ERBB4: variants seen among roughly 807,000 people sequenced by gnomAD.
ERBB4 encodes receptor tyrosine-protein kinase erbB-4.
A neutral mutation model predicts 158.0 loss-of-function variants in ERBB4; 42 were observed. The observed-to-expected ratio is 0.27, with a 90% CI of 0.21 to 0.34. The LOEUF (loss-of-function observed/expected upper bound fraction) is 0.34. Among genes scored for constraint, ERBB4 ranks in the 10% least tolerant of loss-of-function variants. The probability of loss-of-function intolerance (pLI) is 1.00; values close to 1 mark genes in which losing one functional copy is unlikely to be tolerated. For synonymous variants in ERBB4, 583 were observed against 558.7 expected (o/e 1.04, Z -0.61); for missense variants, 1,333 against 1,624.1 (o/e 0.82, Z 3.08).
intron 1 of ERBB4, among the ~76,000 whole-genome samples, chr2:212,174,274 A>G (rs781409448): frequency 6.6e-6 from 1 of 152,120 alleles, no homozygotes; most frequent in Non-Finnish European, 1.5e-5. Flanking sequence ...TCAGTTAATT[A>G]TGGCAGATGT....
chr2:211,447,920 TG>T (rs1419872439), intron 20 of ERBB4, among the ~76,000 whole-genome samples: 2 of 152,138 alleles, frequency 1.3e-5, no homozygotes, highest in East Asian at 3.8e-4. Context: ...GAAACATGGC[TG>T]GGGTTTGGTG....
rs535792113 is a variant in ERBB4 at position 212,214,999 on chromosome 2, AC to A, written c.83-90097del. ...TGAAGCCAGAAACAAAAAAATGCAT[AC>A]TTTATGAATCCCTGTATATAAAGTC... On this transcript the variant is annotated intron_variant, in intron 1 of 27. Transcript: ENST00000342788. 1.4e-3 allele frequency among the ~76,000 whole-genome samples: 215 copies of A among 151,736 alleles called. 1 individual carries two copies. Among genetic ancestry groups the A allele is most frequent in the African/African-American group, 4.8e-3 (200 of 41,502 alleles).
rs544903491 is a variant in ERBB4 at position 211,628,632 on chromosome 2, A to G, written c.2079+1830T>C. Reference sequence around the variant, plus strand: ...GTGAATAGTGCCGCAATAAACATACATGTGCATGTGTCTTTATAGCAGCAT... The same window carrying G: ...GTGAATAGTGCCGCAATAAACATACGTGTGCATGTGTCTTTATAGCAGCAT... On this transcript the variant is annotated intron_variant, in intron 17 of 27. Transcript: ENST00000342788. 1.6e-4 allele frequency among the ~76,000 whole-genome samples: 25 copies of G among 152,254 alleles called. No individual in the cohort carries two copies. The South Asian group carries it at 4.1e-3, about 25-fold the overall frequency.
intron 20 of ERBB4, among the ~76,000 whole-genome samples, chr2:211,438,631 G>C (rs1467356409): frequency 6.6e-6 from 1 of 152,042 alleles, no homozygotes; most frequent in East Asian, 1.9e-4. Flanking sequence ...AATATAATTT[G>C]ACCACTTTAA....
At chr2:211,634,633 T>C (rs530369631) in intron 16 of ERBB4, among the ~76,000 whole-genome samples, 9 of 152,280 alleles carry the variant, frequency 5.9e-5, no homozygotes, top group African/African-American at 1.9e-4. Context: ...ATGATGATAA[T>C]GGCTATTACC....
chr2:212,159,362 T>C (rs2125644682), intron 1 of ERBB4, among the ~76,000 whole-genome samples: 1 of 151,988 alleles, frequency 6.6e-6, no homozygotes, highest in East Asian at 1.9e-4. Context: ...TCCTTATTAT[T>C]GATGCCTACA....
intron 17 of ERBB4, among the ~76,000 whole-genome samples, chr2:211,628,772 T>A (rs566276053): frequency 6.6e-6 from 1 of 152,314 alleles, no homozygotes; most frequent in African/African-American, 2.4e-5. Context: ...TTGAACTAGT[T>A]TACAGTCCCA....
Position 211,410,252 on chromosome 2 carries a change from G to T in ERBB4, c.3135+10189C>A, listed in dbSNP as rs766442684. Reference sequence around the variant, plus strand: ...TTAAATGTATATATATACACACATTGCCAATCTCTCCTCTTTTCCCGAATT... The same window carrying T: ...TTAAATGTATATATATACACACATTTCCAATCTCTCCTCTTTTCCCGAATT... On this transcript the variant is annotated intron_variant, in intron 25 of 27. Transcript: ENST00000342788. 8.0e-4 allele frequency among the ~76,000 whole-genome samples: 121 copies of T among 152,154 alleles called. 1 individual carries two copies. The highest frequency in any genetic ancestry group is 5.3e-4 in the Non-Finnish European group (36 of 68,032).
intron 4 of ERBB4, among the ~76,000 whole-genome samples, chr2:211,772,818 T>C (rs1402081322): frequency 4.3e-5 from 1 of 23,498 alleles, no homozygotes; most frequent in African/African-American, 2.9e-4. Flanking sequence ...GATATATATA[T>C]ATATATATAT....
At chr2:211,513,730 A>G (rs1337004710) in intron 20 of ERBB4, among the ~76,000 whole-genome samples, 1 of 152,094 alleles carries the variant, frequency 6.6e-6, no homozygotes, top group Non-Finnish European at 1.5e-5. Context: ...ACCCCTGTCT[A>G]CGCTTTGTTA....
At chr2:212,444,140 A>C (rs1232600299) in intron 1 of ERBB4, among the ~76,000 whole-genome samples, 1 of 152,132 alleles carries the variant, frequency 6.6e-6, no homozygotes, top group Admixed American at 6.5e-5. Context: ...CAATGGCTTC[A>C]TGGTGAGTTC....
At chr2:212,205,146 C>CAGACAGACAGAT (rs1233416430) in intron 1 of ERBB4, among the ~76,000 whole-genome samples, 1 of 151,952 alleles carries the variant, frequency 6.6e-6, no homozygotes, top group African/African-American at 2.4e-5. Context: ...GACAGACAGA[C>CAGACAGACAGAT]AGACAGACAG....
chr2:212,240,558 G>A (rs890811815), intron 1 of ERBB4, among the ~76,000 whole-genome samples: 4 of 147,054 alleles, frequency 2.7e-5, no homozygotes, highest in East Asian at 2.0e-4. Flanking sequence ...GTTTGAACCC[G>A]GGAGGCGGAG....
At chr2:211,673,928 T>C (rs1000259279) in intron 13 of ERBB4, among the ~76,000 whole-genome samples, 1 of 152,114 alleles carries the variant, frequency 6.6e-6, no homozygotes, top group African/African-American at 2.4e-5. Flanking sequence ...AAAGACACAG[T>C]TTAATGGTAA....
chr2:211,706,637 A>G (rs1186726976), intron 9 of ERBB4, among the ~76,000 whole-genome samples: 2 of 152,060 alleles, frequency 1.3e-5, no homozygotes, highest in African/African-American at 4.8e-5. Context: ...TTGCTTGATT[A>G]AATTAGTGTT....
At chr2:212,057,551 G>A (rs893390870) in intron 2 of ERBB4, among the ~76,000 whole-genome samples, 1 of 152,154 alleles carries the variant, frequency 6.6e-6, no homozygotes, top group Non-Finnish European at 1.5e-5. Context: ...CTCAGCAAAT[G>A]TAAAAGAACA....
At chr2:211,850,866 A>G (rs1575245373) in intron 3 of ERBB4, among the ~76,000 whole-genome samples, 2 of 151,962 alleles carry the variant, frequency 1.3e-5, no homozygotes, top group African/African-American at 4.8e-5. Context: ...AAACTAAGTA[A>G]TAATATCAAT....
chr2:211,406,918 A>C (rs556152044), intron 25 of ERBB4, among the ~76,000 whole-genome samples: 1 of 149,746 alleles, frequency 6.7e-6, no homozygotes, highest in East Asian at 1.9e-4. Context: ...CCACCTCAAC[A>C]AAAAATAAAA....
intron 1 of ERBB4, among the ~76,000 whole-genome samples, chr2:212,459,029 C>T (rs1381401168): frequency 6.6e-6 from 1 of 152,076 alleles, no homozygotes; most frequent in African/African-American, 2.4e-5. Flanking sequence ...TAATTAGCTC[C>T]TTTGGATAAC....
Sources: allele counts gnomAD v4.1 joint callset (sites outside exome capture counted in the v4.1 genomes callset), GRCh38; gene constraint gnomAD v4.1.1; transcripts MANE v1.5; gene names NCBI Gene and HGNC (gene_info 2026-07-23, HGNC 2026-07-21).